The following PBX1 variants were observed in gnomAD, a reference collection of about 807,000 sequenced individuals.
The protein encoded by PBX1 is PBX homeobox 1.
In PBX1, 6 loss-of-function variants were observed where a neutral mutation model predicts 53.4. The ratio of observed to expected loss-of-function variants is 0.11; its 90% confidence interval spans 0.06 to 0.22. PBX1 has a LOEUF of 0.22. Ranked by LOEUF, PBX1 falls within the 10% of genes least tolerant of loss-of-function variation. The pLI is 1.00. For synonymous variants in PBX1, 204 were observed against 212.3 expected (o/e 0.96, Z 0.34); for missense variants, 251 against 551.4 (o/e 0.46, Z 5.46).
downstream of PBX1, among the ~76,000 whole-genome samples, chr1:164,854,945 C>CTTTT (rs539213655): frequency 3.7e-4 from 43 of 116,352 alleles, no homozygotes; most frequent in Non-Finnish European, 5.9e-4. Context: ...CTCTCTCTCT[C>CTTTT]TTTTTTTTTT....
At chr1:164,821,300 T>TGGAG (rs1375792989) in intron 7 of PBX1, among the ~76,000 whole-genome samples, 1 of 145,342 alleles carries the variant, frequency 6.9e-6, no homozygotes, top group Admixed American at 6.8e-5. Flanking sequence ...AGTTTCAATG[T>TGGAG]GGAGATCCCA....
intron 2 of PBX1, chr1:164,590,524 T>C (rs1655300259): frequency 2.2e-6 from 1 of 455,328 alleles, no homozygotes. Context: ...TGGTGAGCCT[T>C]AATGAGGAGG....
chr1:164,810,152 C>T (rs1037542274), intron 5 of PBX1, among the ~76,000 whole-genome samples: 1 of 152,122 alleles, frequency 6.6e-6, no homozygotes, highest in Non-Finnish European at 1.5e-5. Context: ...TGGCTCTGCC[C>T]AGAGGTTCTT....
At chr1:164,730,576 C>T (rs1026575157) in intron 2 of PBX1, among the ~76,000 whole-genome samples, 2 of 152,176 alleles carry the variant, frequency 1.3e-5, no homozygotes, top group African/African-American at 2.4e-5. Flanking sequence ...CCAGTCCCTA[C>T]CCTCAAAGAA....
Position 164,645,553 on chromosome 1 carries a change from G to C in PBX1, c.265+82242G>C, listed in dbSNP as rs187552607. 3.1e-4 allele frequency among the ~76,000 whole-genome samples: 47 copies of C among 151,118 alleles called. No individual in the cohort carries two copies. In the East Asian group the frequency reaches 8.4e-3, roughly 27 times the overall value. ...GGGGCTTAGGGCTAAAGAGTATAGT[G>C]GGGGGTGATCAAAAAGAACTTGGAA... On this transcript the variant is annotated intron_variant, in intron 2 of 8. Transcript: ENST00000420696.
At chr1:164,708,537 C>T (rs755860038) in intron 2 of PBX1, among the ~76,000 whole-genome samples, 5 of 152,206 alleles carry the variant, frequency 3.3e-5, no homozygotes, top group Middle Eastern at 3.4e-3. Flanking sequence ...GTTTTTCAGC[C>T]CTTGCCCTTT....
chr1:164,656,923 T>C (rs1195631862), intron 2 of PBX1, among the ~76,000 whole-genome samples: 4 of 152,268 alleles, frequency 2.6e-5, no homozygotes, highest in East Asian at 3.9e-4. Flanking sequence ...ATACATGGGT[T>C]GACTGTGGAT....
chr1:164,820,280 A>G (rs1670090083), intron 7 of PBX1, 96 bp downstream of exon 7: 1 of 741,982 alleles, frequency 1.3e-6, no homozygotes, highest in Non-Finnish European at 2.3e-6. Flanking sequence ...AGAGAGAGAG[A>G]AAAACAGATC....
At chr1:164,663,248 T>TCCTGCCTTCCTGCCTGCCTGCCTGCCTG (rs1660610940) in intron 2 of PBX1, among the ~76,000 whole-genome samples, 1 of 144,188 alleles carries the variant, frequency 6.9e-6, no homozygotes, top group Admixed American at 6.9e-5. Flanking sequence ...CTTCCTGCCT[T>TCCTGCCTTCCTGCCTGCCTGCCTGCCTG]CCTGCCTGCC....
At chr1:164,751,294 G>T (rs1465959186) in intron 2 of PBX1, among the ~76,000 whole-genome samples, 1 of 143,866 alleles carries the variant, frequency 7.0e-6, no homozygotes, top group Non-Finnish European at 1.5e-5. Context: ...CAGCCTGGGT[G>T]ACAGAGTGAG....
At chr1:164,616,777 A>G (rs1026165033) in intron 2 of PBX1, among the ~76,000 whole-genome samples, 3 of 152,244 alleles carry the variant, frequency 2.0e-5, no homozygotes, top group Non-Finnish European at 2.9e-5. Flanking sequence ...ATAATTACTA[A>G]TATGTATTGA....
At chr1:164,614,850 C>A (rs1055940880) in intron 2 of PBX1, among the ~76,000 whole-genome samples, 4 of 152,066 alleles carry the variant, frequency 2.6e-5, no homozygotes, top group African/African-American at 4.8e-5. Flanking sequence ...CTTGGCTTAC[C>A]ACAGCCTCCA....
intron 2 of PBX1, among the ~76,000 whole-genome samples, chr1:164,588,424 C>A (rs1341393791): frequency 1.5e-5 from 2 of 137,680 alleles, no homozygotes; most frequent in African/African-American, 5.3e-5. Context: ...AGTGCACACA[C>A]ACACAGAGAT....
At chr1:164,871,336 AAGCT>A (rs1251122595) in intron 2 of PBX1, among the ~76,000 whole-genome samples, 1 of 152,104 alleles carries the variant, frequency 6.6e-6, no homozygotes, top group Admixed American at 6.6e-5. Flanking sequence ...CAGGCCTTGG[AAGCT>A]AGGTAGGATT....
chr1:164,672,881 CA>C (rs1661195000), intron 2 of PBX1, among the ~76,000 whole-genome samples: 1 of 152,114 alleles, frequency 6.6e-6, no homozygotes, highest in Non-Finnish European at 1.5e-5. Context: ...AATATGTAAC[CA>C]CTTCAAAGGC....
chr1:164,580,112 T>G (rs1189158118), intron 2 of PBX1, among the ~76,000 whole-genome samples: 1 of 152,194 alleles, frequency 6.6e-6, no homozygotes, highest in East Asian at 1.9e-4. Context: ...AATAACAAAT[T>G]GTCTGGCTCT....
intron 6 of PBX1, chr1:164,813,154 C>T (rs1159364704): frequency 3.3e-5 from 5 of 152,166 alleles, no homozygotes; most frequent in East Asian, 3.9e-4. Context: ...CTTACAGCGA[C>T]TCGTTACTGG....
At chr1:164,832,407 C>G (rs1449425432) in intron 8 of PBX1, among the ~76,000 whole-genome samples, 1 of 152,166 alleles carries the variant, frequency 6.6e-6, no homozygotes, top group Non-Finnish European at 1.5e-5. Flanking sequence ...GGCTACCCTA[C>G]ACCTTTATTG....
At chr1:164,605,767 A>G (rs1656504861) in intron 2 of PBX1, among the ~76,000 whole-genome samples, 1 of 152,214 alleles carries the variant, frequency 6.6e-6, no homozygotes, top group Non-Finnish European at 1.5e-5. Flanking sequence ...GTTTAAATAA[A>G]CAAACTTTTA....
Sources: allele counts gnomAD v4.1 joint callset (sites outside exome capture counted in the v4.1 genomes callset), GRCh38; gene constraint gnomAD v4.1.1; transcripts MANE v1.5; gene names NCBI Gene and HGNC (gene_info 2026-07-23, HGNC 2026-07-21).